The following PEBP1 variants were observed in gnomAD, a reference collection of about 807,000 sequenced individuals.
PEBP1 encodes the protein phosphatidylethanolamine-binding protein 1.
Under a neutral mutation model 22.7 loss-of-function variants are expected in PEBP1, and 17 were observed. The observed-to-expected ratio is 0.75, with a 90% CI of 0.51 to 1.12. PEBP1 has a LOEUF of 1.12. PEBP1 is among the 50% of genes most tolerant of loss of function. The pLI is 0.00. For synonymous variants in PEBP1, 106 were observed against 104.3 expected, an observed-to-expected ratio of 1.02 and a Z score of -0.10; for missense variants, 205 against 243.5, an observed-to-expected ratio of 0.84 and a Z score of 1.05.
At position 118,136,141 on chromosome 12, in the gene PEBP1, G is replaced by A; in HGVS notation, c.-69G>A. ...CCCGAGCCAGTGTGCTGAGCTCTCC[G>A]CGTCGCCTCTGTCGCCCGCGCCTGG... On this transcript the variant is annotated 5_prime_UTR_variant, in exon 1 of 4. Coordinates refer to ENST00000261313, the MANE Select transcript of PEBP1 (RefSeq NM_002567.4). The surrounding 1 kb of genome is among the most constrained non-coding windows in gnomAD (Gnocchi z 5.6). The A allele has an allele frequency of 6.6e-7, 1 of 1,525,358 alleles. No individual in the cohort carries two copies. Among genetic ancestry groups the A allele is most frequent in the Non-Finnish European group, 8.8e-7 (1 of 1,138,980 alleles). 94.5% of individuals were successfully genotyped at this position (1,525,358 alleles called of 1,614,324 possible). A position where few individuals can be genotyped will look rare whatever the true frequency, so the allele number is the denominator to read the frequency against.
At position 118,145,168 on chromosome 12, in the gene PEBP1, TAA is replaced by T. The variant is rs767298850; in HGVS notation, c.*385_*386del. The stretch of plus-strand genomic sequence containing the variant: ...CATCAAAGAATCTTTAAGGGAGGTT[TAA>T]AAAAAAAAAAAAAAAAAAAGATTGG... On this transcript the variant is annotated 3_prime_UTR_variant, in exon 4 of 4. Coordinates refer to ENST00000261313, the MANE Select transcript of PEBP1 (RefSeq NM_002567.4). 0.057 allele frequency: 14,266 copies of T among 250,236 alleles called. No homozygotes were observed. The highest frequency in any genetic ancestry group is 0.099 in the South Asian group (2,752 of 27,856). 15.5% of individuals were successfully genotyped at this position (250,236 alleles called of 1,614,324 possible). A position where few individuals can be genotyped will look rare whatever the true frequency, so the allele number is the denominator to read the frequency against.
Position 118,136,360 on chromosome 12 carries a change from G to T in PEBP1, c.135+16G>T. The T allele has an allele frequency of 6.5e-7, 1 of 1,535,672 alleles. No homozygotes were observed. Among genetic ancestry groups the T allele is most frequent in the South Asian group, 1.2e-5 (1 of 83,584 alleles). ...GCCCACCCAGGTACACCGGGCGGCG[G>T]GCGTGCAGCGAGCGGCACGGCGCGG... On this transcript the variant is annotated intron_variant, in intron 1 of 3. Coordinates refer to ENST00000261313, the MANE Select transcript of PEBP1 (RefSeq NM_002567.4). This position sits in a 1 kb window ranked among gnomAD's most constrained non-coding sequence, Gnocchi z 5.6.
In PEBP1 at chr12:118,136,474, C is replaced by A. The variant is rs1018170007; in HGVS notation, c.135+130C>A. The A allele has an allele frequency of 5.3e-6, 6 of 1,139,978 alleles. No individual in the cohort carries two copies. Among genetic ancestry groups the A allele is most frequent in the Non-Finnish European group, 4.8e-6 (4 of 835,954 alleles). 70.6% of individuals were successfully genotyped at this position (1,139,978 alleles called of 1,614,324 possible). On this transcript the variant is annotated intron_variant, in intron 1 of 3. Transcript: ENST00000261313. The surrounding 1 kb of genome is among the most constrained non-coding windows in gnomAD (Gnocchi z 5.6). ...CAGCCTGCGTGTGTCGAGGCCCCCC[C>A]AGGCCAGAGGTCCCGGGGTCCATGT...
In PEBP1 at chr12:118,136,268, A is replaced by C. The variant is rs1238186247; in HGVS notation, c.59A>C (p.Gln20Pro). 1 of 1,547,200 alleles carries C rather than the reference A, an allele frequency of 6.5e-7. No individual in the cohort carries two copies. Among genetic ancestry groups the C allele is most frequent in the South Asian group, 1.2e-5 (1 of 83,970 alleles). ...TTGAGCCTGCAAGAAGTGGACGAGC[A>C]GCCGCAGCACCCGCTGCATGTCACC... ...GPLSLQEVDE[Q>P]PQHPLHVTYA... The change falls in exon 1 of 4, where the codon CAG (glutamine) becomes CCG (proline). Residue 20 changes from glutamine (Q) to proline (P), a missense_variant. Gln to Pro is a moderately conservative substitution (Grantham distance 76). Coordinates refer to ENST00000261313, the MANE Select transcript of PEBP1 (RefSeq NM_002567.4). This position sits in a 1 kb window ranked among gnomAD's most constrained non-coding sequence, Gnocchi z 5.6.
chr12:118,136,376 C>A lies in PEBP1; in HGVS notation c.135+32C>A. 1 of 1,528,096 alleles carries A rather than the reference C, an allele frequency of 6.5e-7. No homozygotes were observed. Among genetic ancestry groups the A allele is most frequent in the Non-Finnish European group, 8.8e-7 (1 of 1,142,108 alleles). The allele number at this position is 1,528,096 out of a possible 1,614,324, so 94.7% of individuals were successfully genotyped here. On this transcript the variant is annotated intron_variant, in intron 1 of 3. Coordinates refer to ENST00000261313, the MANE Select transcript of PEBP1 (RefSeq NM_002567.4). This position sits in a 1 kb window ranked among gnomAD's most constrained non-coding sequence, Gnocchi z 5.6. ...CGGGCGGCGGGCGTGCAGCGAGCGG[C>A]ACGGCGCGGAGGCCTGTGCCGGCCT...
At chr12:118,143,996 CTTAG>C (rs1332893538) in intron 3 of PEBP1, among the ~76,000 whole-genome samples, 2 of 151,956 alleles carry the variant, frequency 1.3e-5, no homozygotes, top group African/African-American at 2.4e-5. Context: ...TAGAAAGCTG[CTTAG>C]TTAAAGTGAG....
chr12:118,142,872 C>A (rs2034126544), intron 3 of PEBP1, among the ~76,000 whole-genome samples: 1 of 115,142 alleles, frequency 8.7e-6, no homozygotes. Context: ...TAGGGTCTTA[C>A]TCTGTCCCCT....
rs533417505 is a variant in PEBP1, at chr12:118,138,607, G to A, written c.245+459G>A. 1.8e-3 allele frequency among the ~76,000 whole-genome samples: 277 copies of A among 151,934 alleles called. 3 individuals carry two copies. Among genetic ancestry groups the A allele is most frequent in the South Asian group, 5.9e-3 (28 of 4,784 alleles). ...AGAGACGGGGTTTCACCTTGTCCAG[G>A]CTGCTCTCGAACTCCTGACCTCAGG... On this transcript the variant is annotated intron_variant, in intron 2 of 3. Coordinates refer to ENST00000261313, the MANE Select transcript of PEBP1 (RefSeq NM_002567.4).
rs1456880293 is a variant in PEBP1 at position 118,145,225 on chromosome 12, G to C, written c.*422G>C. On this transcript the variant is annotated 3_prime_UTR_variant, in exon 4 of 4. Coordinates refer to ENST00000261313, the MANE Select transcript of PEBP1 (RefSeq NM_002567.4). The stretch of plus-strand genomic sequence containing the variant: ...CTCTGCCTTTGTGATCCTGAGTCCA[G>C]AATGGTACACAATGTGATTTTATGG... 2.8e-6 allele frequency: 1 copy of C among 359,682 alleles called. No individual in the cohort carries two copies. Among genetic ancestry groups the C allele is most frequent in the Non-Finnish European group, 5.3e-6 (1 of 189,434 alleles). The allele number at this position is 359,682 out of a possible 1,614,324, so 22.3% of individuals were successfully genotyped here.
intron 3 of PEBP1, among the ~76,000 whole-genome samples, chr12:118,142,643 A>G (rs1272110171): frequency 3.3e-5 from 5 of 151,508 alleles, no homozygotes; most frequent in Non-Finnish European, 7.4e-5. Context: ...TGTCTGGCTA[A>G]TTTTTATATT....
At position 118,137,125 on chromosome 12, in the gene PEBP1, T is replaced by G. The variant is rs1007525638; in HGVS notation, c.135+781T>G. 7.9e-5 allele frequency among the ~76,000 whole-genome samples: 12 copies of G among 152,220 alleles called. No individual in the cohort carries two copies. The South Asian group carries it at 2.5e-3, about 32-fold the overall frequency. ...CCTGCCCGCCTCTCATCACCTTGGC[T>G]TTCTCCTTTTCTTTGCACTTTGAAA... On this transcript the variant is annotated intron_variant, in intron 1 of 3. Transcript: ENST00000261313.
intron 1 of PEBP1, among the ~76,000 whole-genome samples, chr12:118,137,226 T>C (rs116807243): frequency 0.012 from 1,793 of 152,286 alleles, 43 homozygotes; most frequent in African/African-American, 0.042. Flanking sequence ...ACGCTGTGAT[T>C]CCGGACAGAC....
chr12:118,138,140 C>G lies in PEBP1; in HGVS notation c.237C>G (p.Pro79=). ...CGGATGCTCCCAGCAGGAAGGATCC[C>G]AAATACAGGTGAGAGGTGAGAAAGA... ...TDPDAPSRKD[P]KYREWHHFLV... is the part of the protein sequence containing the mutation. Residue 79 remains proline (P), a synonymous_variant, in exon 2 of 4, where the codon CCC becomes CCG. Transcript: ENST00000261313. The G allele has an allele frequency of 1.2e-6, 2 of 1,604,306 alleles. No homozygotes were observed. Among genetic ancestry groups the G allele is most frequent in the Non-Finnish European group, 1.7e-6 (2 of 1,171,438 alleles).
rs547979468 is a variant in PEBP1, at chr12:118,136,399, C to T, written c.135+55C>T. 6.7e-7 allele frequency: 1 copy of T among 1,503,156 alleles called. No individual in the cohort carries two copies. The highest frequency in any genetic ancestry group is 2.5e-5 in the East Asian group (1 of 39,948). 93.1% of individuals were successfully genotyped at this position (1,503,156 alleles called of 1,614,324 possible). A position where few individuals can be genotyped will look rare whatever the true frequency, so the allele number is the denominator to read the frequency against. On this transcript the variant is annotated intron_variant, in intron 1 of 3. Transcript: ENST00000261313. The surrounding 1 kb of genome is among the most constrained non-coding windows in gnomAD (Gnocchi z 5.6). ...GGCACGGCGCGGAGGCCTGTGCCGG[C>T]CTCCTGGGTGGGACCCAGCGGAGAC...
In PEBP1 at chr12:118,138,045, A is replaced by G; in HGVS notation, c.142A>G (p.Asn48Asp). 1 of 1,612,052 alleles carries G rather than the reference A, an allele frequency of 6.2e-7. No homozygotes were observed. The highest frequency in any genetic ancestry group is 8.5e-7 in the Non-Finnish European group (1 of 1,178,602). The change falls in exon 2 of 4, where the codon AAT becomes GAT. Residue 48 changes from asparagine to aspartate, a missense_variant. Coordinates refer to ENST00000261313, the MANE Select transcript of PEBP1 (RefSeq NM_002567.4). Reference sequence around the variant, plus strand: ...AACTGGTTCCTTCATACAGGTTAAGAATAGACCCACCAGCATTTCGTGGGA... The same window carrying G: ...AACTGGTTCCTTCATACAGGTTAAGGATAGACCCACCAGCATTTCGTGGGA... ...GKVLTPTQVKNRPTSISWDGL... is the reference protein window; with the variant it reads ...GKVLTPTQVKDRPTSISWDGL...
In PEBP1 at chr12:118,138,071, T is replaced by C. The variant is rs1217134646; in HGVS notation, c.168T>C (p.Asp56=). 1 of 1,613,906 alleles carries C rather than the reference T, an allele frequency of 6.2e-7. No homozygotes were observed. The highest frequency in any genetic ancestry group is 8.5e-7 in the Non-Finnish European group (1 of 1,179,906). The change falls in exon 2 of 4, where the codon GAT becomes GAC. Residue 56 remains aspartate (D), a synonymous_variant. Transcript: ENST00000261313. ...VKNRPTSISW[D]GLDSGKLYTL... ...ATAGACCCACCAGCATTTCGTGGGA[T>C]GGTCTTGATTCAGGGAAGCTCTACA...
At chr12:118,142,903 G>A (rs972266019) in intron 3 of PEBP1, among the ~76,000 whole-genome samples, 1 of 133,784 alleles carries the variant, frequency 7.5e-6, no homozygotes, top group South Asian at 2.4e-4. Context: ...ACAGTGGCAC[G>A]TTTTCAGCTC....
At position 118,144,622 on chromosome 12, in the gene PEBP1, AC is replaced by A; in HGVS notation, c.384del (p.Asp128GlufsTer4). On this transcript the variant is annotated frameshift_variant, in exon 4 of 4. Coordinates refer to ENST00000261313, the MANE Select transcript of PEBP1 (RefSeq NM_002567.4). LOFTEE classifies it high-confidence loss of function. ...TATGTCTGGCTGGTTTACGAGCAGG[AC>A]AGGCCGCTAAAGTGTGACGAGCCCA... ...HRYVWLVYEQ[D>X]RPLKCDEPIL... 3 of 1,613,902 alleles carry A rather than the reference AC, an allele frequency of 1.9e-6. No individual in the cohort carries two copies. Among genetic ancestry groups the A allele is most frequent in the Non-Finnish European group, 2.5e-6 (3 of 1,179,956 alleles).
At chr12:118,139,036 C>T (rs1285303139) in intron 2 of PEBP1, 4 of 200,656 alleles carry the variant, frequency 2.0e-5, no homozygotes, top group African/African-American at 4.8e-5. Flanking sequence ...AGGACTGGGC[C>T]GGGCGCGGTG....
Sources: gnomAD v4.1 joint callset for allele counts (sites outside exome capture counted in the v4.1 genomes callset) on GRCh38, gnomAD v4.1.1 for gene constraint, Gnocchi (gnomAD v3.1) non-coding constraint, MANE v1.5 for transcripts, NCBI Gene and HGNC (gene_info 2026-07-23, HGNC 2026-07-21) for gene names.